NR4A2: variants seen among roughly 807,000 people sequenced by gnomAD.
NR4A2 encodes NGFI-B/nur77 beta-type transcription factor homolog.
In NR4A2, 1 loss-of-function variant was observed where a neutral mutation model predicts 50.5. That is an observed-to-expected ratio of 0.02 (90% CI 0.01 to 0.09). The LOEUF (loss-of-function observed/expected upper bound fraction) is 0.09, where lower values mean the gene tolerates loss of function less well. NR4A2 is among the 10% of genes least tolerant of loss of function. NR4A2 has a pLI of 1.00. For synonymous variants in NR4A2, 328 were observed against 309.4 expected (o/e 1.06, Z -0.63); for missense variants, 613 against 777.3 (o/e 0.79, Z 2.51).
rs959309168 is a variant in NR4A2, at chr2:156,326,403, C to T, written c.1362-75G>A. 1.5e-6 allele frequency: 2 copies of T among 1,351,066 alleles called. No individual in the cohort carries two copies. The highest frequency in any genetic ancestry group is 2.9e-5 in the African/African-American group (2 of 69,722). 83.7% of individuals were successfully genotyped at this position (1,351,066 alleles called of 1,614,324 possible). A position where few individuals can be genotyped will look rare whatever the true frequency, so the allele number is the denominator to read the frequency against. Reference sequence around the variant, plus strand: ...GCTAAACAACTAATTACTTGAAGAGCAATAAATGAGGGATTTAAGAGTCAC... The same window carrying T: ...GCTAAACAACTAATTACTTGAAGAGTAATAAATGAGGGATTTAAGAGTCAC... On this transcript the variant is annotated intron_variant, in intron 6 of 7. Transcript: ENST00000339562. The surrounding 1 kb of genome is among the most constrained non-coding windows in gnomAD (Gnocchi z 4.2).
chr2:156,326,619 T>C lies in NR4A2; in HGVS notation c.1361+99A>G. On this transcript the variant is annotated intron_variant, in intron 6 of 7. Coordinates refer to ENST00000339562, the MANE Select transcript of NR4A2 (RefSeq NM_006186.4). This position sits in a 1 kb window ranked among gnomAD's most constrained non-coding sequence, Gnocchi z 4.2. ...CGACTTCCATTTCCTATTCTGTCTTTTTCTCTACCCCACCCTCTGGTTTCC... is the reference window on the plus strand; with the variant it reads ...CGACTTCCATTTCCTATTCTGTCTTCTTCTCTACCCCACCCTCTGGTTTCC... The C allele has an allele frequency of 7.5e-7, 1 of 1,337,162 alleles. No homozygotes were observed. The highest frequency in any genetic ancestry group is 1.1e-6 in the Non-Finnish European group (1 of 938,986). 82.8% of individuals were successfully genotyped at this position (1,337,162 alleles called of 1,614,324 possible).
chr2:156,330,577 G>A, intron 2 of NR4A2, 91 bp downstream of exon 2: 1 of 1,353,074 alleles, frequency 7.4e-7, no homozygotes, highest in Non-Finnish European at 9.7e-7. Flanking sequence ...GATGGGTCGG[G>A]CAAACCTTAA....
chr2:156,326,360 A>T lies in NR4A2; in HGVS notation c.1362-32T>A. The T allele has an allele frequency of 6.3e-7, 1 of 1,585,688 alleles. No homozygotes were observed. Among genetic ancestry groups the T allele is most frequent in the South Asian group, 1.1e-5 (1 of 90,504 alleles). The stretch of plus-strand genomic sequence containing the variant: ...TTAATACCAAAGAGAGAGAGGGGAG[A>T]AAAAGAGAGAGAGAAAAGCTAAACA... On this transcript the variant is annotated intron_variant, in intron 6 of 7. Transcript: ENST00000339562. The surrounding 1 kb of genome is among the most constrained non-coding windows in gnomAD (Gnocchi z 4.2).
intron 5 of NR4A2, 131 bp downstream of exon 5, chr2:156,327,720 G>A: frequency 9.0e-7 from 1 of 1,106,402 alleles, no homozygotes. Context: ...CCTGGCCAGA[G>A]CTGCGAGGCA....
At position 156,330,115 on chromosome 2, in the gene NR4A2, G is replaced by A; in HGVS notation, c.72C>T (p.Tyr24=). ...GASPASQSYS[Y]HSSGEYSSDF... is the part of the protein sequence containing the mutation. ...CGGAGCTGTATTCTCCCGAAGAGTG[G>A]TAACTGTAGCTCTGAGAAGCGGGGC... The change falls in exon 3 of 8, where the codon TAC becomes TAT. Residue 24 remains tyrosine, a synonymous_variant. Transcript: ENST00000339562. The A allele has an allele frequency of 1.2e-6, 2 of 1,614,194 alleles. No homozygotes were observed. The highest frequency in any genetic ancestry group is 1.1e-5 in the South Asian group (1 of 91,088).
In NR4A2 at chr2:156,326,463, T is replaced by C. The variant is rs544844968; in HGVS notation, c.1362-135A>G. 8.6e-5 allele frequency: 81 copies of C among 940,102 alleles called. No homozygotes were observed. The African/African-American group carries it at 1.2e-3, about 14-fold the overall frequency. 58.2% of individuals were successfully genotyped at this position (940,102 alleles called of 1,614,324 possible). Reference sequence around the variant, plus strand: ...GAAGAGTTAATAAAATGTAGACCAGTGGACCTTGAAAGGGTTTAATTTCAT... The same window carrying C: ...GAAGAGTTAATAAAATGTAGACCAGCGGACCTTGAAAGGGTTTAATTTCAT... On this transcript the variant is annotated intron_variant, in intron 6 of 7. Coordinates refer to ENST00000339562, the MANE Select transcript of NR4A2 (RefSeq NM_006186.4). This position sits in a 1 kb window ranked among gnomAD's most constrained non-coding sequence, Gnocchi z 4.2.
Position 156,332,414 on chromosome 2 carries a change from G to A in NR4A2, c.-127+66C>T. 4 of 1,226,796 alleles carry A rather than the reference G, an allele frequency of 3.3e-6. No individual in the cohort carries two copies. In the South Asian group the frequency reaches 3.8e-5, roughly 12 times the overall value. 76.0% of individuals were successfully genotyped at this position (1,226,796 alleles called of 1,614,324 possible). A position where few individuals can be genotyped will look rare whatever the true frequency, so the allele number is the denominator to read the frequency against. The stretch of plus-strand genomic sequence containing the variant: ...AGAACCTGTCCCACACAAGTGGAAA[G>A]AAGAGACGTGCAAAAGAAGGAAAAA... On this transcript the variant is annotated intron_variant, in intron 1 of 7. Coordinates refer to ENST00000339562, the MANE Select transcript of NR4A2 (RefSeq NM_006186.4).
rs767091196 is a variant in NR4A2 at position 156,326,268 on chromosome 2, T to C, written c.1422A>G (p.Gln474=). The change falls in exon 7 of 8, where the codon CAA becomes CAG. Residue 474 remains glutamine, a synonymous_variant. Transcript: ENST00000339562. The surrounding 1 kb of genome is among the most constrained non-coding windows in gnomAD (Gnocchi z 4.2). ...FCNGVVLHRL[Q]CVRGFGEWID... ...TCCATTCCCCAAAGCCACGAACGCA[T>C]TGCAACCTGTGCAAGACCACCCCAT... The C allele has an allele frequency of 6.2e-7, 1 of 1,614,190 alleles. No individual in the cohort carries two copies. Among genetic ancestry groups the C allele is most frequent in the East Asian group, 2.2e-5 (1 of 44,884 alleles).
rs200471574 is a variant in NR4A2 at position 156,329,770 on chromosome 2, G to A, written c.417C>T (p.His139=). 6.2e-6 allele frequency: 10 copies of A among 1,613,682 alleles called. No homozygotes were observed. Among genetic ancestry groups the A allele is most frequent in the Non-Finnish European group, 8.5e-6 (10 of 1,179,598 alleles). ...ATCCCGGGTCGTCCCACATGGGGCT[G>A]TGCTGCACCTGGAAGCCCGGGGTGG... ...TPTTPGFQVQ[H]SPMWDDPGSL... Residue 139 remains histidine (H), a synonymous_variant, in exon 3 of 8, where the codon CAC becomes CAT. Transcript: ENST00000339562. This position sits in a 1 kb window ranked among gnomAD's most constrained non-coding sequence, Gnocchi z 7.5.
In NR4A2 at chr2:156,325,413, A is replaced by C. The variant is rs12803; in HGVS notation, c.*331T>G. On this transcript the variant is annotated 3_prime_UTR_variant, in exon 8 of 8. Coordinates refer to ENST00000339562, the MANE Select transcript of NR4A2 (RefSeq NM_006186.4). ...CATGGCCAAACATTTCCCATTATAC[A>C]TTATAGCAATCTTTCTTCTGAACAA... is the stretch of plus-strand genomic sequence containing the variant. 0.44 allele frequency: 160,689 copies of C among 363,146 alleles called. 39,694 individuals are homozygous for C. Among genetic ancestry groups the C allele is most frequent in the Non-Finnish European group, 0.54 (101,413 of 188,420 alleles). The allele number at this position is 363,146 out of a possible 1,614,324, so 22.5% of individuals were successfully genotyped here.
At position 156,329,591 on chromosome 2, in the gene NR4A2, T is replaced by A. The variant is rs747043926; in HGVS notation, c.596A>T (p.His199Leu). Residue 199 changes from histidine (H) to leucine (L), a missense_variant, in exon 3 of 8, where the codon CAC becomes CTC. Coordinates refer to ENST00000339562, the MANE Select transcript of NR4A2 (RefSeq NM_006186.4). The surrounding 1 kb of genome is among the most constrained non-coding windows in gnomAD (Gnocchi z 7.5). Reference protein sequence around the residue: ...SCQMRFDGPLHVPMNPEPAGS... With the variant: ...SCQMRFDGPLLVPMNPEPAGS... The stretch of plus-strand genomic sequence containing the variant: ...GGCGGGCTCCGGGTTCATGGGGACG[T>A]GCAGGGGCCCGTCGAAGCGCATCTG... 1.2e-6 allele frequency: 2 copies of A among 1,607,856 alleles called. No homozygotes were observed. The highest frequency in any genetic ancestry group is 1.3e-5 in the African/African-American group (1 of 74,994).
chr2:156,331,495 A>G (rs1217595554), intron 1 of NR4A2, among the ~76,000 whole-genome samples: 3 of 152,188 alleles, frequency 2.0e-5, no homozygotes, highest in African/African-American at 7.2e-5. Context: ...TCTTAGGTCA[A>G]TTGCAGAGGG....
At chr2:156,327,061 C>A (rs1686682553) in intron 5 of NR4A2, 141 bp from the exon 6 acceptor site, 1 of 788,692 alleles carries the variant, frequency 1.3e-6, no homozygotes, top group Non-Finnish European at 2.1e-6. Flanking sequence ...ATTAGATGTT[C>A]CGGGGCAATT....
Position 156,328,128 on chromosome 2 carries a change from G to T in NR4A2, c.995-114C>A. The T allele has an allele frequency of 2.9e-6, 4 of 1,392,836 alleles. No homozygotes were observed. The highest frequency in any genetic ancestry group is 4.0e-6 in the Non-Finnish European group (4 of 1,009,238). The allele number at this position is 1,392,836 out of a possible 1,614,324, so 86.3% of individuals were successfully genotyped here. A position where few individuals can be genotyped will look rare whatever the true frequency, so the allele number is the denominator to read the frequency against. On this transcript the variant is annotated intron_variant, in intron 4 of 7. Transcript: ENST00000339562. This position sits in a 1 kb window ranked among gnomAD's most constrained non-coding sequence, Gnocchi z 4.9. Reference sequence around the variant, plus strand: ...GGGGCACCAGGCTGAGCGGCTGAGGGCCCCAGTGCTTGTAAAGCCTTCACT... The same window carrying T: ...GGGGCACCAGGCTGAGCGGCTGAGGTCCCCAGTGCTTGTAAAGCCTTCACT...
At position 156,326,559 on chromosome 2, in the gene NR4A2, T is replaced by C. The variant is rs1240724775; in HGVS notation, c.1361+159A>G. ...AGGCTTCTGGGCTCGCTTCTTCTCG[T>C]CTTTTTTTGTTTTCTTTCTTTTTCT... On this transcript the variant is annotated intron_variant, in intron 6 of 7. Transcript: ENST00000339562. This position sits in a 1 kb window ranked among gnomAD's most constrained non-coding sequence, Gnocchi z 4.2. 6.6e-6 allele frequency among the ~76,000 whole-genome samples: 1 copy of C among 152,152 alleles called. No homozygotes were observed. Among genetic ancestry groups the C allele is most frequent in the East Asian group, 1.9e-4 (1 of 5,194 alleles).
rs1315383575 is a variant in NR4A2 at position 156,326,052 on chromosome 2, A to G, written c.1541-52T>C. ...AGAAGAATGTACAAGACAGTTAGCTAGTTGGCAAAACCAAGGAGAATCTGT... is the reference window on the plus strand; with the variant it reads ...AGAAGAATGTACAAGACAGTTAGCTGGTTGGCAAAACCAAGGAGAATCTGT... On this transcript the variant is annotated intron_variant, in intron 7 of 7. Transcript: ENST00000339562. The surrounding 1 kb of genome is among the most constrained non-coding windows in gnomAD (Gnocchi z 4.2). The G allele has an allele frequency of 3.1e-6, 5 of 1,613,856 alleles. No homozygotes were observed. The highest frequency in any genetic ancestry group is 3.4e-6 in the Non-Finnish European group (4 of 1,179,824).
At chr2:156,331,389 T>C (rs1686918165) in intron 1 of NR4A2, among the ~76,000 whole-genome samples, 1 of 152,206 alleles carries the variant, frequency 6.6e-6, no homozygotes, top group Non-Finnish European at 1.5e-5. Context: ...TAAATTGATG[T>C]TCACTTTTCC....
At chr2:156,331,174 C>A (rs1024211126) in intron 1 of NR4A2, among the ~76,000 whole-genome samples, 4 of 152,084 alleles carry the variant, frequency 2.6e-5, no homozygotes, top group Admixed American at 6.5e-5. Flanking sequence ...AGCATTGGAA[C>A]CTTCTCTTGC....
intron 2 of NR4A2, 116 bp downstream of exon 2, chr2:156,330,552 G>A (rs1686879542): frequency 9.0e-7 from 1 of 1,105,800 alleles, no homozygotes; most frequent in Non-Finnish European, 1.2e-6. Context: ...CAATGAGAAA[G>A]TTGTTCCCGA....
Sources: allele counts gnomAD v4.1 joint callset (sites outside exome capture counted in the v4.1 genomes callset), GRCh38; gene constraint gnomAD v4.1.1; non-coding constraint Gnocchi (gnomAD v3.1); transcripts MANE v1.5; gene names NCBI Gene and HGNC (gene_info 2026-07-23, HGNC 2026-07-21).